ELK3: variants seen among roughly 807,000 people sequenced by gnomAD.
ELK3 encodes ETS transcription factor ELK3.
A neutral mutation model predicts 28.9 loss-of-function variants in ELK3; 10 were observed. The observed-to-expected ratio is 0.35, with a 90% CI of 0.21 to 0.59. The LOEUF is 0.59. Among genes scored for constraint, ELK3 ranks in the 20% least tolerant of loss-of-function variants. ELK3 has a pLI of 0.82. For synonymous variants in ELK3, 272 were observed against 243.5 expected (o/e 1.12, Z -1.09); for missense variants, 463 against 517.3 (o/e 0.90, Z 1.02).
chr12:96,244,235 C>G (rs1205065720), intron 2 of ELK3, among the ~76,000 whole-genome samples: 2 of 152,054 alleles, frequency 1.3e-5, no homozygotes, highest in Non-Finnish European at 2.9e-5. Flanking sequence ...TATCCTTTTG[C>G]TGGTTGGTGG....
At chr12:96,256,044 T>C (rs1439060576) in intron 3 of ELK3, among the ~76,000 whole-genome samples, 2 of 152,106 alleles carry the variant, frequency 1.3e-5, no homozygotes, top group Non-Finnish European at 2.9e-5. Context: ...CTTTCTGAAA[T>C]GGTGACTGAA....
At chr12:96,208,865 TG>T (rs1363042211) in intron 1 of ELK3, among the ~76,000 whole-genome samples, 8 of 152,020 alleles carry the variant, frequency 5.3e-5, no homozygotes, top group African/African-American at 1.9e-4. Context: ...CAGGTGCAGC[TG>T]GGCCAGGGAA....
At chr12:96,197,593 G>T (rs896937183) in intron 1 of ELK3, among the ~76,000 whole-genome samples, 12 of 152,096 alleles carry the variant, frequency 7.9e-5, no homozygotes, top group African/African-American at 2.9e-4. Flanking sequence ...TGGTGACCTT[G>T]TGATGGTGTA....
intron 4 of ELK3, among the ~76,000 whole-genome samples, chr12:96,261,749 T>G (rs890557798): frequency 6.6e-6 from 1 of 152,158 alleles, no homozygotes; most frequent in African/African-American, 2.4e-5. Flanking sequence ...TCTTTGGGAT[T>G]CCTTGTCTTA....
chr12:96,265,792 C>G (rs1393691450), intron 4 of ELK3, among the ~76,000 whole-genome samples: 1 of 152,108 alleles, frequency 6.6e-6, no homozygotes, highest in Non-Finnish European at 1.5e-5. Flanking sequence ...AGAGTATAAA[C>G]TATATGTGCA....
chr12:96,226,531 CAT>C (rs1360152168), intron 2 of ELK3, among the ~76,000 whole-genome samples: 1 of 121,904 alleles, frequency 8.2e-6, no homozygotes, highest in Non-Finnish European at 1.7e-5. Flanking sequence ...CAGATGTCCA[CAT>C]GTCCACACAG....
chr12:96,231,059 A>G (rs950629468), intron 2 of ELK3, among the ~76,000 whole-genome samples: 1 of 152,220 alleles, frequency 6.6e-6, no homozygotes, highest in African/African-American at 2.4e-5. Flanking sequence ...TGAGGGGCAG[A>G]AACCAGAGTC....
At chr12:96,224,442 C>T (rs961375497) in intron 2 of ELK3, among the ~76,000 whole-genome samples, 17 of 152,012 alleles carry the variant, frequency 1.1e-4, no homozygotes, top group Non-Finnish European at 1.8e-4. Flanking sequence ...TGGTGATGAC[C>T]GACCGAGCCA....
intron 3 of ELK3, among the ~76,000 whole-genome samples, chr12:96,248,412 G>A (rs1951875923): frequency 6.6e-6 from 1 of 152,218 alleles, no homozygotes; most frequent in Non-Finnish European, 1.5e-5. Context: ...TTCTTGTCCA[G>A]CTGACAATTG....
intron 2 of ELK3, among the ~76,000 whole-genome samples, chr12:96,239,129 C>T (rs1469636324): frequency 6.6e-6 from 1 of 152,134 alleles, no homozygotes; most frequent in Non-Finnish European, 1.5e-5. Context: ...AATATACATT[C>T]TTTAATGTGA....
intron 2 of ELK3, among the ~76,000 whole-genome samples, chr12:96,238,776 C>T (rs1244059197): frequency 6.6e-6 from 1 of 152,178 alleles, no homozygotes; most frequent in Non-Finnish European, 1.5e-5. Context: ...TCTCTTCCGC[C>T]CGAAGAGCTA....
rs775061849 is a variant in ELK3, at chr12:96,239,143, T to C, written c.208-7797T>C. 4.6e-5 allele frequency among the ~76,000 whole-genome samples: 7 copies of C among 152,322 alleles called. 1 individual carries two copies. The Middle Eastern group carries it at 0.014, about 296-fold the overall frequency. ...AAATATACATTCTTTAATGTGAAAA[T>C]ACACATAAGCAAAAAGAAATATGAA... is the stretch of plus-strand genomic sequence containing the variant. On this transcript the variant is annotated intron_variant, in intron 2 of 4. Transcript: ENST00000228741.
Position 96,268,529 on chromosome 12 carries a change from C to A in ELK3, c.*1349C>A, listed in dbSNP as rs1952059464. The A allele has an allele frequency of 6.6e-6, 1 of 152,104 alleles. No individual in the cohort carries two copies. The highest frequency in any genetic ancestry group is 2.4e-5 in the African/African-American group (1 of 41,396). 9.4% of individuals were successfully genotyped at this position (152,104 alleles called of 1,614,324 possible). A position where few individuals can be genotyped will look rare whatever the true frequency, so the allele number is the denominator to read the frequency against. ...ATCAGCAGGCACCAGTCCAAAGGTA[C>A]CACACCTGTACATGAAGAAGGAAAG... On this transcript the variant is annotated 3_prime_UTR_variant, in exon 5 of 5. Coordinates refer to ENST00000228741, the MANE Select transcript of ELK3 (RefSeq NM_005230.4).
At position 96,201,631 on chromosome 12, in the gene ELK3, C is replaced by T. The variant is rs1323613214; in HGVS notation, c.-3+6926C>T. The stretch of plus-strand genomic sequence containing the variant: ...ATTGAAGTGGAGAAGCTGAGATATA[C>T]TCCCTTTCAAGTCGGAAGCCCTATT... On this transcript the variant is annotated intron_variant, in intron 1 of 4. Transcript: ENST00000228741. Among the ~76,000 whole-genome samples the T allele has an allele frequency of 2.7e-5, 4 of 147,674 alleles. No homozygotes were observed. In the East Asian group the frequency reaches 8.0e-4, roughly 30 times the overall value.
At chr12:96,254,218 G>A (rs1182904297) in intron 3 of ELK3, among the ~76,000 whole-genome samples, 2 of 152,142 alleles carry the variant, frequency 1.3e-5, no homozygotes, top group Non-Finnish European at 1.5e-5. Context: ...TCAGCTACTC[G>A]GGAGGCTGAG....
chr12:96,214,507 G>C (rs978724083), intron 1 of ELK3, among the ~76,000 whole-genome samples: 1 of 151,680 alleles, frequency 6.6e-6, no homozygotes, highest in African/African-American at 2.4e-5. Context: ...AAGTAAATAG[G>C]TGAGCAATAC....
intron 1 of ELK3, among the ~76,000 whole-genome samples, chr12:96,198,771 A>T (rs1951489435): frequency 6.6e-6 from 1 of 152,228 alleles, no homozygotes; most frequent in Non-Finnish European, 1.5e-5. Flanking sequence ...GTTTTTTAAA[A>T]AAATGCATAT....
At position 96,268,927 on chromosome 12, in the gene ELK3, T is replaced by TGTCCCC. The variant is rs1240976603; in HGVS notation, c.*1748_*1753dup. On this transcript the variant is annotated 3_prime_UTR_variant, in exon 5 of 5. Coordinates refer to ENST00000228741, the MANE Select transcript of ELK3 (RefSeq NM_005230.4). ...AAAATTCACAAATAATAGACACTAC[T>TGTCCCC]GTCCCCCCACCCCCACCCCATAGGC... 6.6e-6 allele frequency: 1 copy of TGTCCCC among 151,856 alleles called. No homozygotes were observed. Among genetic ancestry groups the TGTCCCC allele is most frequent in the Non-Finnish European group, 1.5e-5 (1 of 68,010 alleles). The allele number at this position is 151,856 out of a possible 1,614,324, so 9.4% of individuals were successfully genotyped here.
chr12:96,260,850 A>G (rs1951987744), intron 4 of ELK3, among the ~76,000 whole-genome samples: 1 of 152,134 alleles, frequency 6.6e-6, no homozygotes, highest in Non-Finnish European at 1.5e-5. Context: ...CTCTTTGGAT[A>G]CCATTTCATC....
Sources: gnomAD v4.1 joint callset for allele counts (sites outside exome capture counted in the v4.1 genomes callset) on GRCh38, gnomAD v4.1.1 for gene constraint, MANE v1.5 for transcripts, NCBI Gene and HGNC (gene_info 2026-07-23, HGNC 2026-07-21) for gene names.